Variants in ROBO1 observed in about 807,000 individuals in gnomAD.
The protein encoded by ROBO1 is roundabout guidance receptor 1.
ROBO1 carries 149 observed loss-of-function variants against 195.9 expected under a neutral mutation model. The ratio of observed to expected loss-of-function variants is 0.76; its 90% CI spans 0.67 to 0.87. ROBO1 has a LOEUF of 0.87. Among genes scored for constraint, ROBO1 ranks in the 40% least tolerant of loss-of-function variants. ROBO1 has a pLI of 0.00. For synonymous variants in ROBO1, 816 were observed against 733.2 expected (o/e 1.11, Z -1.82); for missense variants, 1,933 against 2,068.3 (o/e 0.93, Z 1.27).
At chr3:78,853,540 G>C (rs749396083) in intron 4 of ROBO1, among the ~76,000 whole-genome samples, 25 of 150,548 alleles carry the variant, frequency 1.7e-4, no homozygotes, top group Non-Finnish European at 3.3e-4. Flanking sequence ...GCTGGGCTAT[G>C]GTACCCAGTC....
At chr3:79,385,799 A>G (rs2036721747) in intron 2 of ROBO1, among the ~76,000 whole-genome samples, 1 of 152,182 alleles carries the variant, frequency 6.6e-6, no homozygotes, top group South Asian at 2.1e-4. Context: ...ATACCTGGGA[A>G]GAAACAGAAA....
intron 2 of ROBO1, among the ~76,000 whole-genome samples, chr3:79,587,215 C>A (rs2107808690): frequency 6.7e-6 from 1 of 150,332 alleles, no homozygotes; most frequent in Middle Eastern, 3.4e-3. Flanking sequence ...TACAGGGAGA[C>A]AAAATGAAAA....
chr3:79,267,105 G>T (rs1418003762), intron 2 of ROBO1, among the ~76,000 whole-genome samples: 1 of 151,350 alleles, frequency 6.6e-6, no homozygotes, highest in Admixed American at 6.6e-5. Flanking sequence ...AATATAAATT[G>T]TAAAAATCAG....
intron 2 of ROBO1, among the ~76,000 whole-genome samples, chr3:79,232,393 C>T (rs992192835): frequency 2.0e-5 from 3 of 149,470 alleles, no homozygotes; most frequent in Non-Finnish European, 3.0e-5. Flanking sequence ...TATAGAGAGT[C>T]GATCCAGGAG....
chr3:79,630,948 A>G (rs1456683253), intron 1 of ROBO1, among the ~76,000 whole-genome samples: 1 of 151,992 alleles, frequency 6.6e-6, no homozygotes, highest in Non-Finnish European at 1.5e-5. Context: ...AAGGAAAACT[A>G]TAAAACACTG....
chr3:78,820,134 T>A (rs2030724953), intron 4 of ROBO1, among the ~76,000 whole-genome samples: 1 of 152,192 alleles, frequency 6.6e-6, no homozygotes, highest in African/African-American at 2.4e-5. Flanking sequence ...TCAGGTTGGG[T>A]CTATAAACGT....
intron 2 of ROBO1, among the ~76,000 whole-genome samples, chr3:79,320,083 C>T (rs956618922): frequency 6.6e-6 from 1 of 152,106 alleles, no homozygotes; most frequent in Non-Finnish European, 1.5e-5. Context: ...GTACCATAGA[C>T]CATGGACATA....
intron 4 of ROBO1, among the ~76,000 whole-genome samples, chr3:78,903,784 A>G (rs1369830810): frequency 1.3e-5 from 2 of 152,114 alleles, no homozygotes; most frequent in East Asian, 1.9e-4. Flanking sequence ...ATTCTTTTCT[A>G]TATGTTTGCA....
chr3:79,270,669 T>C (rs945311245), intron 2 of ROBO1, among the ~76,000 whole-genome samples: 3 of 151,542 alleles, frequency 2.0e-5, no homozygotes, highest in African/African-American at 7.3e-5. Flanking sequence ...ATGTTTCAGG[T>C]AAAGAGAAAA....
chr3:78,971,598 C>T (rs947175702), intron 3 of ROBO1, among the ~76,000 whole-genome samples: 20 of 152,174 alleles, frequency 1.3e-4, no homozygotes, highest in African/African-American at 4.8e-4. Flanking sequence ...CCATACTGCT[C>T]AACCCAGGAA....
intron 2 of ROBO1, among the ~76,000 whole-genome samples, chr3:79,501,621 G>A (rs897661089): frequency 1.3e-5 from 2 of 152,112 alleles, no homozygotes; most frequent in Non-Finnish European, 2.9e-5. Flanking sequence ...GAATAAACCA[G>A]AAAAAACTTT....
intron 2 of ROBO1, among the ~76,000 whole-genome samples, chr3:79,288,159 T>C (rs1248160980): frequency 6.6e-6 from 1 of 152,138 alleles, no homozygotes. Flanking sequence ...CTGATAATAA[T>C]AGGGTAAAAA....
At chr3:79,729,261 T>G (rs1323765288) in intron 1 of ROBO1, among the ~76,000 whole-genome samples, 1 of 152,154 alleles carries the variant, frequency 6.6e-6, no homozygotes, top group African/African-American at 2.4e-5. Flanking sequence ...AGATCCACTG[T>G]GTAATTCTCA....
At chr3:79,691,234 G>T (rs1168053948) in intron 1 of ROBO1, among the ~76,000 whole-genome samples, 1 of 151,700 alleles carries the variant, frequency 6.6e-6, no homozygotes, top group Non-Finnish European at 1.5e-5. Context: ...TACAGCTATA[G>T]AACAGGATAT....
At chr3:78,893,012 A>C (rs2036997341) in intron 4 of ROBO1, among the ~76,000 whole-genome samples, 1 of 152,186 alleles carries the variant, frequency 6.6e-6, no homozygotes, top group Non-Finnish European at 1.5e-5. Flanking sequence ...TCATACTGGC[A>C]GGAGGAAAGA....
chr3:79,308,170 C>T (rs571541127), intron 2 of ROBO1, among the ~76,000 whole-genome samples: 1 of 152,202 alleles, frequency 6.6e-6, no homozygotes, highest in Admixed American at 6.5e-5. Flanking sequence ...TTTTTTCCTA[C>T]TAAAAATGTA....
chr3:79,623,255 T>C (rs967546179), intron 1 of ROBO1, among the ~76,000 whole-genome samples: 7 of 151,834 alleles, frequency 4.6e-5, no homozygotes, highest in African/African-American at 1.7e-4. Context: ...CAATGAAAAA[T>C]TGCTAAAAAC....
intron 2 of ROBO1, among the ~76,000 whole-genome samples, chr3:79,487,495 A>C (rs1029702053): frequency 2.0e-5 from 3 of 152,188 alleles, no homozygotes; most frequent in African/African-American, 7.2e-5. Context: ...GATTACAGGC[A>C]GGAACCACTG....
rs370278269 is a variant in ROBO1, at chr3:78,668,117, C to T, written c.1799+17G>A. 6.2e-7 allele frequency: 1 copy of T among 1,611,860 alleles called. No homozygotes were observed. The highest frequency in any genetic ancestry group is 8.5e-7 in the Non-Finnish European group (1 of 1,178,826). On this transcript the variant is annotated intron_variant, in intron 13 of 30. Transcript: ENST00000464233. ...GAATCAAAAAAGAACAACTAGGAAGCATCTCCTTCACTCTACCTGAAGGCT... is the reference window on the plus strand; with the variant it reads ...GAATCAAAAAAGAACAACTAGGAAGTATCTCCTTCACTCTACCTGAAGGCT...
Sources: gnomAD v4.1 joint callset for allele counts (sites outside exome capture counted in the v4.1 genomes callset) on GRCh38, gnomAD v4.1.1 for gene constraint, MANE v1.5 for transcripts, NCBI Gene and HGNC (gene_info 2026-07-23, HGNC 2026-07-21) for gene names.